Variants in PTCHD4 observed in about 807,000 individuals in gnomAD.
PTCHD4 encodes the protein patched domain containing 4.
In PTCHD4, 33 loss-of-function variants were observed where a neutral mutation model predicts 58.1. That is an observed-to-expected ratio of 0.57 (90% CI 0.43 to 0.76). The LOEUF (loss-of-function observed/expected upper bound fraction) is 0.76. PTCHD4 is among the 30% of genes least tolerant of loss of function. The pLI, the probability that PTCHD4 is intolerant of heterozygous loss-of-function variation, is 0.00. For synonymous variants in PTCHD4, 478 were observed against 409.6 expected (o/e 1.17, Z -2.02); for missense variants, 1,058 against 1,027.1 (o/e 1.03, Z -0.41).
At chr6:47,907,102 G>A (rs980305368) in intron 4 of PTCHD4, among the ~76,000 whole-genome samples, 1 of 152,084 alleles carries the variant, frequency 6.6e-6, no homozygotes, top group African/African-American at 2.4e-5. Context: ...TTCAAATCTT[G>A]GATGGAGCTA....
chr6:47,933,157 A>T (rs887542364), intron 4 of PTCHD4, among the ~76,000 whole-genome samples: 1 of 152,234 alleles, frequency 6.6e-6, no homozygotes, highest in Non-Finnish European at 1.5e-5. Flanking sequence ...TGCTCTGATA[A>T]TCAACCCAGT....
intron 1 of PTCHD4, among the ~76,000 whole-genome samples, chr6:48,084,274 T>C (rs890698404): frequency 6.6e-6 from 1 of 152,234 alleles, no homozygotes; most frequent in Non-Finnish European, 1.5e-5. Context: ...GATACTTCTC[T>C]TGATATTTGA....
At position 48,068,126 on chromosome 6, in the gene PTCHD4, A is replaced by G; in HGVS notation, c.417+104T>C. On this transcript the variant is annotated intron_variant, in intron 3 of 4. Coordinates refer to ENST00000339488, the MANE Select transcript of PTCHD4 (RefSeq NM_001384253.1). This position sits in a 1 kb window ranked among gnomAD's most constrained non-coding sequence, Gnocchi z 4.2. ...CTTATTGGAGACGGCAGCCTGCCTGAGATCCTCTAGCACTGAAATAATATC... is the reference window on the plus strand; with the variant it reads ...CTTATTGGAGACGGCAGCCTGCCTGGGATCCTCTAGCACTGAAATAATATC... 2 of 1,284,440 alleles carry G rather than the reference A, an allele frequency of 1.6e-6. No homozygotes were observed. Among genetic ancestry groups the G allele is most frequent in the Non-Finnish European group, 2.1e-6 (2 of 934,442 alleles). 79.6% of individuals were successfully genotyped at this position (1,284,440 alleles called of 1,614,324 possible). A position where few individuals can be genotyped will look rare whatever the true frequency, so the allele number is the denominator to read the frequency against.
At chr6:48,077,508 C>T (rs1421651821) in intron 1 of PTCHD4, among the ~76,000 whole-genome samples, 1 of 152,220 alleles carries the variant, frequency 6.6e-6, no homozygotes, top group Non-Finnish European at 1.5e-5. Flanking sequence ...TTCTTTCCTT[C>T]AACCTCATGA....
chr6:47,954,565 C>T (rs1415341228), intron 4 of PTCHD4, among the ~76,000 whole-genome samples: 1 of 152,154 alleles, frequency 6.6e-6, no homozygotes, highest in African/African-American at 2.4e-5. Context: ...ACATGAAGTA[C>T]ACTAAAGTGA....
chr6:48,086,980 G>A (rs1765278234), intron 1 of PTCHD4, among the ~76,000 whole-genome samples: 1 of 151,876 alleles, frequency 6.6e-6, no homozygotes, highest in South Asian at 2.1e-4. Flanking sequence ...AAATATAAAG[G>A]AACTGTTTGT....
chr6:47,879,910 GC>G lies in PTCHD4; in HGVS notation c.924del (p.Glu308AspfsTer19). The G allele has an allele frequency of 6.4e-7, 1 of 1,564,194 alleles. No homozygotes were observed. The highest frequency in any genetic ancestry group is 8.7e-7 in the Non-Finnish European group (1 of 1,154,352). ...AMGHGTKGVF[E>X]LLSGWRRTKE... ...TTGGTTCTCCGCCATCCGGACAGAA[GC>G]TCAAACACTCCTTTAGTTCCATGAC... is the stretch of plus-strand genomic sequence containing the variant. On this transcript the variant is annotated frameshift_variant, in exon 5 of 5. Coordinates refer to ENST00000339488, the MANE Select transcript of PTCHD4 (RefSeq NM_001384253.1). LOFTEE classifies it high-confidence loss of function.
intron 4 of PTCHD4, among the ~76,000 whole-genome samples, chr6:47,963,420 T>C (rs887239784): frequency 1.3e-5 from 2 of 152,150 alleles, no homozygotes; most frequent in African/African-American, 2.4e-5. Context: ...CTATGAAAAC[T>C]GTATGGAGAT....
In PTCHD4 at chr6:47,869,706, A is replaced by T. The variant is rs553859027; in HGVS notation, c.*8597T>A. 3.6e-4 allele frequency among the ~76,000 whole-genome samples: 55 copies of T among 151,824 alleles called. No homozygotes were observed. In the South Asian group the frequency reaches 0.011, roughly 30 times the overall value. On this transcript the variant is annotated 3_prime_UTR_variant, in exon 5 of 5. Transcript: ENST00000339488. ...ATCACAGTATTATTTTAATGTATGTATTCTTGAATGTTTAAAGGATAAAAA... is the reference window on the plus strand; with the variant it reads ...ATCACAGTATTATTTTAATGTATGTTTTCTTGAATGTTTAAAGGATAAAAA...
intron 1 of PTCHD4, among the ~76,000 whole-genome samples, chr6:48,086,553 A>T (rs1020640380): frequency 2.0e-5 from 3 of 152,182 alleles, no homozygotes; most frequent in Admixed American, 2.0e-4. Context: ...AGCAGGGCAG[A>T]ACAGGGATTG....
chr6:48,109,481 C>T (rs1765816528), intron 1 of PTCHD4, among the ~76,000 whole-genome samples: 1 of 151,956 alleles, frequency 6.6e-6, no homozygotes, highest in African/African-American at 2.4e-5. Context: ...TGGAAGAAAA[C>T]ATAGGGCCTT....
At chr6:48,015,840 T>C (rs2114099796) in intron 3 of PTCHD4, among the ~76,000 whole-genome samples, 1 of 152,100 alleles carries the variant, frequency 6.6e-6, no homozygotes, top group Non-Finnish European at 1.5e-5. Flanking sequence ...AAGCCTGATG[T>C]GTAATAAACA....
chr6:47,917,548 C>T (rs1765299877), intron 4 of PTCHD4, among the ~76,000 whole-genome samples: 2 of 152,110 alleles, frequency 1.3e-5, no homozygotes, highest in South Asian at 4.1e-4. Context: ...ATCCCATAAC[C>T]CTTTTAGTTC....
intron 4 of PTCHD4, among the ~76,000 whole-genome samples, chr6:48,005,873 T>A (rs12110422): frequency 0.023 from 3,432 of 152,320 alleles, 57 homozygotes; most frequent in South Asian, 0.084. Flanking sequence ...GGCAAAGGGA[T>A]GTCACAGAAC....
At chr6:47,909,726 G>A (rs1339943356) in intron 4 of PTCHD4, among the ~76,000 whole-genome samples, 1 of 152,024 alleles carries the variant, frequency 6.6e-6, no homozygotes, top group African/African-American at 2.4e-5. Flanking sequence ...GCAGGTATGA[G>A]CCACCATGCC....
intron 3 of PTCHD4, among the ~76,000 whole-genome samples, chr6:48,037,194 A>T (rs1326357203): frequency 6.6e-6 from 1 of 152,258 alleles, no homozygotes; most frequent in East Asian, 1.9e-4. Flanking sequence ...AGAGAGAGAG[A>T]GCATATTATC....
intron 1 of PTCHD4, among the ~76,000 whole-genome samples, chr6:48,079,117 CA>C (rs398001467): frequency 0.038 from 2,753 of 73,170 alleles, 25 homozygotes; most frequent in East Asian, 0.058. Context: ...AATTCCATCA[CA>C]AAAAAAAAAA....
At position 47,872,853 on chromosome 6, in the gene PTCHD4, A is replaced by G. The variant is rs1368396161; in HGVS notation, c.*5450T>C. On this transcript the variant is annotated 3_prime_UTR_variant, in exon 5 of 5. Transcript: ENST00000339488. The stretch of plus-strand genomic sequence containing the variant: ...ATACTATAAATATATTCTTAACCCT[A>G]TATATTGCTCTTTTGAGTTGTTTTC... Among the ~76,000 whole-genome samples the G allele has an allele frequency of 6.6e-6, 1 of 151,608 alleles. No individual in the cohort carries two copies. Among genetic ancestry groups the G allele is most frequent in the Non-Finnish European group, 1.5e-5 (1 of 67,738 alleles).
Position 47,878,172 on chromosome 6 carries a change from T to A in PTCHD4, c.*131A>T, listed in dbSNP as rs1375005417. 1 of 750,950 alleles carries A rather than the reference T, an allele frequency of 1.3e-6. No homozygotes were observed. Among genetic ancestry groups the A allele is most frequent in the Non-Finnish European group, 2.1e-6 (1 of 465,138 alleles). 46.5% of individuals were successfully genotyped at this position (750,950 alleles called of 1,614,324 possible). On this transcript the variant is annotated 3_prime_UTR_variant, in exon 5 of 5. Coordinates refer to ENST00000339488, the MANE Select transcript of PTCHD4 (RefSeq NM_001384253.1). ...AAGAAGCAGGCACCTTGAAGTGTCA[T>A]GAATAATGCACTCTTGATCTGACTT...
Sources: gnomAD v4.1 joint callset for allele counts (sites outside exome capture counted in the v4.1 genomes callset) on GRCh38, gnomAD v4.1.1 for gene constraint, Gnocchi (gnomAD v3.1) non-coding constraint, MANE v1.5 for transcripts, NCBI Gene and HGNC (gene_info 2026-07-23, HGNC 2026-07-21) for gene names.